Variants in ERC2 observed in about 807,000 individuals in gnomAD.
ERC2 encodes ERC protein 2.
Under a neutral mutation model 114.8 loss-of-function variants are expected in ERC2, and 42 were observed. The observed-to-expected ratio is 0.37, with a 90% CI of 0.29 to 0.47. The LOEUF is 0.47. ERC2 is among the 20% of genes least tolerant of loss of function. The probability of loss-of-function intolerance (pLI) is 0.99; values close to 1 mark genes in which losing one functional copy is unlikely to be tolerated. For missense variants in ERC2, 939 were observed against 1,150.7 expected, an observed-to-expected ratio of 0.82 and a Z score of 2.66; for synonymous variants, 454 against 425.5, an observed-to-expected ratio of 1.07 and a Z score of -0.82.
chr3:56,094,071 C>A (rs542658375), intron 6 of ERC2, among the ~76,000 whole-genome samples: 1 of 152,196 alleles, frequency 6.6e-6, no homozygotes, highest in East Asian at 1.9e-4. Flanking sequence ...TTCCCCACAT[C>A]TATTTTTTCC....
chr3:56,433,663 A>G (rs11719646), intron 2 of ERC2: 54,177 of 152,344 alleles, frequency 0.36, 9,834 homozygotes, highest in Middle Eastern at 0.42. Flanking sequence ...GGAAAATAGC[A>G]TAACTGCAGG....
intron 17 of ERC2, among the ~76,000 whole-genome samples, chr3:55,660,089 A>T (rs947672432): frequency 3.2e-4 from 48 of 150,652 alleles, no homozygotes; most frequent in African/African-American, 1.0e-3. Flanking sequence ...TGCAAACCCC[A>T]TCACATTATG....
intron 17 of ERC2, among the ~76,000 whole-genome samples, chr3:55,605,042 A>G (rs978941858): frequency 6.6e-6 from 1 of 152,192 alleles, no homozygotes; most frequent in African/African-American, 2.4e-5. Context: ...AAGGCACTGC[A>G]CTTAGAGAAC....
At chr3:55,512,601 T>C (rs1362297931) in intron 17 of ERC2, among the ~76,000 whole-genome samples, 1 of 152,222 alleles carries the variant, frequency 6.6e-6, no homozygotes, top group Non-Finnish European at 1.5e-5. Context: ...TGCACCAGTC[T>C]TTTGTTTTGT....
intron 14 of ERC2, among the ~76,000 whole-genome samples, chr3:55,742,702 G>A (rs769999069): frequency 1.3e-5 from 2 of 152,162 alleles, no homozygotes; most frequent in African/African-American, 2.4e-5. Context: ...TTCAGTAGGA[G>A]GTGACTTCAG....
intron 2 of ERC2, among the ~76,000 whole-genome samples, chr3:56,372,674 G>A (rs2059399766): frequency 6.6e-6 from 1 of 152,116 alleles, no homozygotes; most frequent in African/African-American, 2.4e-5. Flanking sequence ...GTTGCAGTAA[G>A]CTGAGATCAC....
intron 17 of ERC2, among the ~76,000 whole-genome samples, chr3:55,651,798 G>C (rs1276383074): frequency 1.3e-5 from 2 of 152,170 alleles, no homozygotes; most frequent in Non-Finnish European, 2.9e-5. Context: ...TTTTTAATTA[G>C]ACTCATTCTG....
At chr3:56,096,712 A>ATG (rs564210918) in intron 6 of ERC2, among the ~76,000 whole-genome samples, 2 of 152,064 alleles carry the variant, frequency 1.3e-5, no homozygotes, top group Admixed American at 6.6e-5. Context: ...TTACACTTAC[A>ATG]TGTGTGTGTG....
chr3:56,102,912 C>A (rs913812774), intron 6 of ERC2, among the ~76,000 whole-genome samples: 1 of 151,648 alleles, frequency 6.6e-6, no homozygotes, highest in South Asian at 2.1e-4. Flanking sequence ...TTTTTTTTGT[C>A]ACCATTGACC....
intron 2 of ERC2, among the ~76,000 whole-genome samples, chr3:56,383,795 A>G (rs1029252149): frequency 1.3e-5 from 2 of 152,046 alleles, no homozygotes; most frequent in African/African-American, 4.8e-5. Flanking sequence ...TCTCCAGAAC[A>G]TTTTTCATCT....
At chr3:55,686,051 T>G (rs2062314861) in intron 16 of ERC2, among the ~76,000 whole-genome samples, 3 of 152,322 alleles carry the variant, frequency 2.0e-5, no homozygotes, top group African/African-American at 7.2e-5. Flanking sequence ...TTAAATATAT[T>G]AAAAAGTGGT....
intron 12 of ERC2, among the ~76,000 whole-genome samples, chr3:55,977,353 TAAAAG>T (rs998976917): frequency 1.6e-4 from 18 of 109,838 alleles, no homozygotes; most frequent in African/African-American, 5.9e-4. Context: ...ATTAGCCAAA[TAAAAG>T]AAAAGTGACA....
rs563469899 is a variant in ERC2, at chr3:56,081,753, A to G, written c.1474-769T>C. Among the ~76,000 whole-genome samples the G allele has an allele frequency of 4.6e-5, 7 of 152,278 alleles. No homozygotes were observed. In the East Asian group the frequency reaches 1.4e-3, roughly 29 times the overall value. The stretch of plus-strand genomic sequence containing the variant: ...TCTATTTCTAGACTACTCAGATTAG[A>G]TCATAGAAAAATATCACTGGGGTGG... On this transcript the variant is annotated intron_variant, in intron 6 of 17. Transcript: ENST00000288221.
At position 56,435,165 on chromosome 3, in the gene ERC2, GAATA is replaced by G. The variant is rs2061960935; in HGVS notation, c.-140-22_-140-19del. ...TCAGAGATCTACAAAGTGAAAAAAA[GAATA>G]ATTAAAAACAAATTTCTTTAGAACT... On this transcript the variant is annotated intron_variant, in intron 1 of 17. Transcript: ENST00000288221. The G allele has an allele frequency of 1.6e-6, 1 of 611,516 alleles. No homozygotes were observed. The highest frequency in any genetic ancestry group is 2.8e-5 in the East Asian group (1 of 35,712). The allele number at this position is 611,516 out of a possible 1,614,324, so 37.9% of individuals were successfully genotyped here. A position where few individuals can be genotyped will look rare whatever the true frequency, so the allele number is the denominator to read the frequency against.
intron 14 of ERC2, among the ~76,000 whole-genome samples, chr3:55,811,701 C>T (rs1001699241): frequency 6.6e-6 from 1 of 152,142 alleles, no homozygotes; most frequent in Non-Finnish European, 1.5e-5. Context: ...TTAGATATCA[C>T]CTTGCTTCCT....
At chr3:56,102,556 C>A (rs909740223) in intron 6 of ERC2, among the ~76,000 whole-genome samples, 6 of 152,062 alleles carry the variant, frequency 3.9e-5, no homozygotes, top group African/African-American at 1.4e-4. Flanking sequence ...GAGATCATTC[C>A]ATTTGAAAGA....
At chr3:55,957,756 G>C (rs1025369294) in intron 12 of ERC2, among the ~76,000 whole-genome samples, 2 of 152,092 alleles carry the variant, frequency 1.3e-5, no homozygotes, top group African/African-American at 4.8e-5. Context: ...CCAGGCGCCT[G>C]CTCCGTGTGA....
intron 17 of ERC2, among the ~76,000 whole-genome samples, chr3:55,566,058 C>T (rs573748883): frequency 1.3e-5 from 2 of 152,312 alleles, no homozygotes; most frequent in East Asian, 3.9e-4. Context: ...TATTCTGGCT[C>T]TGGATGGAGT....
intron 17 of ERC2, among the ~76,000 whole-genome samples, chr3:55,555,781 T>C (rs1423721152): frequency 6.6e-6 from 1 of 152,174 alleles, no homozygotes; most frequent in Non-Finnish European, 1.5e-5. Flanking sequence ...CAACCTGTGC[T>C]CAGCTCTAGA....
Sources: gnomAD v4.1 joint callset for allele counts (sites outside exome capture counted in the v4.1 genomes callset) on GRCh38, gnomAD v4.1.1 for gene constraint, MANE v1.5 for transcripts, NCBI Gene and HGNC (gene_info 2026-07-23, HGNC 2026-07-21) for gene names.